KIF26B: variants seen among roughly 807,000 people sequenced by gnomAD.
KIF26B encodes the protein kinesin-like protein KIF26B.
In KIF26B, 63 loss-of-function variants were observed where a neutral mutation model predicts 151.2. That is an observed-to-expected ratio of 0.42 (90% CI 0.34 to 0.51). KIF26B has a LOEUF of 0.51. Ranked by LOEUF, KIF26B falls within the 20% of genes least tolerant of loss-of-function variation. The pLI is 0.07. For synonymous variants in KIF26B, 1,357 were observed against 1,262.1 expected (o/e 1.08, Z -1.59); for missense variants, 2,813 against 2,913.6 (o/e 0.97, Z 0.79).
In KIF26B at chr1:245,156,682, A is replaced by G; in HGVS notation, c.464A>G (p.Lys155Arg). Residue 155 changes from lysine (K) to arginine (R), a missense_variant and splice_region_variant, in exon 2 of 15, where the codon AAG becomes AGG. Lys to Arg is a conservative substitution (Grantham distance 26). Around this residue, in one of 3 missense-constraint regions of KIF26B, gnomAD observed 676 missense variants for 688.1 expected, o/e 0.98. Transcript: ENST00000407071. ...RLLLPGPFPG[K>R]DPAFSAVIHD... ...CTCCTCCCGGGGCCCTTCCCGGGCA[A>G]GGTGAGCGCCGCGCGGGGCTGGCTG... 1 of 1,483,704 alleles carries G rather than the reference A, an allele frequency of 6.7e-7. No homozygotes were observed. The highest frequency in any genetic ancestry group is 8.9e-7 in the Non-Finnish European group (1 of 1,124,508). The allele number at this position is 1,483,704 out of a possible 1,614,324, so 91.9% of individuals were successfully genotyped here.
At chr1:245,605,704 G>T (rs1218081177) in intron 6 of KIF26B, among the ~76,000 whole-genome samples, 2 of 152,124 alleles carry the variant, frequency 1.3e-5, no homozygotes, top group Non-Finnish European at 2.9e-5. Context: ...CCAGGTCCCA[G>T]GGGAAGCAGC....
intron 2 of KIF26B, among the ~76,000 whole-genome samples, chr1:245,344,993 A>T (rs1168670274): frequency 6.6e-6 from 1 of 151,978 alleles, no homozygotes; most frequent in African/African-American, 2.4e-5. Flanking sequence ...TCTGCAGGAG[A>T]TGGAGGGTTC....
intron 2 of KIF26B, among the ~76,000 whole-genome samples, chr1:245,288,786 G>C (rs1038063078): frequency 5.3e-5 from 8 of 152,142 alleles, no homozygotes; most frequent in Non-Finnish European, 1.5e-5. Flanking sequence ...TAACCCAAAG[G>C]TCTTGATTTT....
At chr1:245,633,890 G>GC (rs2043807210) in intron 9 of KIF26B, among the ~76,000 whole-genome samples, 1 of 152,104 alleles carries the variant, frequency 6.6e-6, no homozygotes, top group Non-Finnish European at 1.5e-5. Flanking sequence ...ATAGCTCACT[G>GC]CAGCCTCAAA....
intron 4 of KIF26B, among the ~76,000 whole-genome samples, chr1:245,490,288 A>G (rs982204147): frequency 1.3e-5 from 2 of 149,594 alleles, no homozygotes; most frequent in African/African-American, 4.9e-5. Context: ...CCCAATACCA[A>G]CCAAGCTTCT....
chr1:245,461,449 A>G (rs1659643265), intron 4 of KIF26B, among the ~76,000 whole-genome samples: 1 of 151,964 alleles, frequency 6.6e-6, no homozygotes, highest in Admixed American at 6.6e-5. Flanking sequence ...GGTTTTCCCA[A>G]TCTTATAACT....
chr1:245,577,828 T>C lies in KIF26B; in HGVS notation c.1351-24749T>C, dbSNP rs12239971. ...TTTGTGGAACTCCGGGCGATGCATC[T>C]CCTCACCGGAAGAGCTTTGTGGAAC... On this transcript the variant is annotated intron_variant, in intron 5 of 14. Transcript: ENST00000407071. Among the ~76,000 whole-genome samples, 595 of 66,814 alleles carry C rather than the reference T, an allele frequency of 8.9e-3. 4 individuals carry two copies. Among genetic ancestry groups the C allele is most frequent in the African/African-American group, 0.014 (234 of 16,872 alleles). The allele number at this position is 66,814 out of a possible 152,430, so 43.8% of individuals were successfully genotyped here. A position where few individuals can be genotyped will look rare whatever the true frequency, so the allele number is the denominator to read the frequency against.
chr1:245,424,243 C>T lies in KIF26B; in HGVS notation c.1166+4498C>T, dbSNP rs958281951. 6.6e-5 allele frequency among the ~76,000 whole-genome samples: 10 copies of T among 151,956 alleles called. No homozygotes were observed. The East Asian group carries it at 1.9e-3, about 29-fold the overall frequency. ...CGATCTCCGCTCGCTGCAACCTCTG[C>T]CTCCCAGGTTCAAGTGATTCTGCCT... On this transcript the variant is annotated intron_variant, in intron 4 of 14. Transcript: ENST00000407071.
intron 2 of KIF26B, among the ~76,000 whole-genome samples, chr1:245,306,750 A>G (rs974006356): frequency 6.6e-6 from 1 of 152,146 alleles, no homozygotes; most frequent in African/African-American, 2.4e-5. Flanking sequence ...ATATTCCTTC[A>G]TCCCTCTTAT....
intron 3 of KIF26B, among the ~76,000 whole-genome samples, chr1:245,388,139 T>G (rs1673598198): frequency 6.6e-6 from 1 of 152,136 alleles, no homozygotes; most frequent in African/African-American, 2.4e-5. Context: ...GGTCAGAAAC[T>G]TTCCATTAGT....
At chr1:245,329,480 G>A (rs916801081) in intron 2 of KIF26B, among the ~76,000 whole-genome samples, 5 of 152,216 alleles carry the variant, frequency 3.3e-5, no homozygotes, top group African/African-American at 4.8e-5. Context: ...ACAGGCAGAT[G>A]AGGCCCCAGG....
At position 245,688,427 on chromosome 1, in the gene KIF26B, G is replaced by A; in HGVS notation, c.5444G>A (p.Gly1815Asp). Residue 1815 changes from glycine to aspartate, a missense_variant, in exon 12 of 15, where the codon GGC (glycine) becomes GAC (aspartate). By Grantham distance (94) the Gly-to-Asp change is moderately conservative (BLOSUM62 -1). Transcript: ENST00000407071. ...SGRISELLQG[G>D]AGARGLQLRA... Reference sequence around the variant, plus strand: ...CGCATCTCGGAGCTGCTGCAGGGTGGCGCGGGCGCCCGGGGCTTGCAGCTG... The same window carrying A: ...CGCATCTCGGAGCTGCTGCAGGGTGACGCGGGCGCCCGGGGCTTGCAGCTG... The A allele has an allele frequency of 7.0e-7, 1 of 1,421,100 alleles. No homozygotes were observed. The highest frequency in any genetic ancestry group is 9.1e-7 in the Non-Finnish European group (1 of 1,093,774). 88.0% of individuals were successfully genotyped at this position (1,421,100 alleles called of 1,614,324 possible). A position where few individuals can be genotyped will look rare whatever the true frequency, so the allele number is the denominator to read the frequency against.
intron 4 of KIF26B, among the ~76,000 whole-genome samples, chr1:245,452,106 C>T (rs1553275665): frequency 6.6e-6 from 1 of 152,164 alleles, no homozygotes; most frequent in African/African-American, 2.4e-5. Flanking sequence ...CCACTCTCCT[C>T]CCCTCAACCC....
At chr1:245,171,326 G>A (rs556900252) in intron 2 of KIF26B, among the ~76,000 whole-genome samples, 20 of 152,274 alleles carry the variant, frequency 1.3e-4, no homozygotes, top group African/African-American at 4.1e-4. Context: ...GGCGGATCAC[G>A]ATGTCGGGAG....
Position 245,273,252 on chromosome 1 carries a change from T to TA in KIF26B, c.466-93574dup, listed in dbSNP as rs61603555. Among the ~76,000 whole-genome samples, 1,099 of 151,336 alleles carry TA rather than the reference T, an allele frequency of 7.3e-3. 13 individuals carry two copies. Among genetic ancestry groups the TA allele is most frequent in the African/African-American group, 0.025 (1,049 of 41,264 alleles). ...AACATGGTGAAACCCTGTCTCTACT[T>TA]AAAAAAAATACAAAAATTAGCTGGA... is the stretch of plus-strand genomic sequence containing the variant. On this transcript the variant is annotated intron_variant, in intron 2 of 14. Coordinates refer to ENST00000407071, the MANE Select transcript of KIF26B (RefSeq NM_018012.4).
rs1300110291 is a variant in KIF26B at position 245,703,583 on chromosome 1, C to T, written c.*977C>T. On this transcript the variant is annotated 3_prime_UTR_variant, in exon 15 of 15. Transcript: ENST00000407071. ...CCACAAATCCACAGTTTGCGTGGCCCTCAAAATTCATATTCATTTTTATTC... is the reference window on the plus strand; with the variant it reads ...CCACAAATCCACAGTTTGCGTGGCCTTCAAAATTCATATTCATTTTTATTC... The T allele has an allele frequency of 6.6e-6, 1 of 152,218 alleles. No homozygotes were observed. The highest frequency in any genetic ancestry group is 2.4e-5 in the African/African-American group (1 of 41,456). The allele number at this position is 152,218 out of a possible 1,614,324, so 9.4% of individuals were successfully genotyped here.
intron 2 of KIF26B, among the ~76,000 whole-genome samples, chr1:245,285,068 C>T (rs1322178702): frequency 6.6e-6 from 1 of 152,144 alleles, no homozygotes; most frequent in Non-Finnish European, 1.5e-5. Context: ...CGAACAAAAA[C>T]AATAATTTAT....
intron 4 of KIF26B, among the ~76,000 whole-genome samples, chr1:245,524,793 C>T (rs534547276): frequency 1.3e-5 from 2 of 151,998 alleles, no homozygotes; most frequent in Non-Finnish European, 2.9e-5. Context: ...ATAGCCGAGG[C>T]CCCCCTTATC....
chr1:245,175,981 T>G (rs1558334683), intron 2 of KIF26B, among the ~76,000 whole-genome samples: 3 of 148,592 alleles, frequency 2.0e-5, no homozygotes, highest in Non-Finnish European at 4.5e-5. Flanking sequence ...GACATCTATA[T>G]ATATAGATAT....
Sources: gnomAD v4.1 joint callset for allele counts (sites outside exome capture counted in the v4.1 genomes callset) on GRCh38, gnomAD v4.1.1 for gene constraint, gnomAD v4.1.1 regional missense constraint, MANE v1.5 for transcripts, NCBI Gene and HGNC (gene_info 2026-07-23, HGNC 2026-07-21) for gene names.